The following TMEFF2 variants were observed in gnomAD, a reference collection of about 807,000 sequenced individuals.
TMEFF2 encodes tomoregulin-2.
TMEFF2 carries 28 observed loss-of-function variants against 53.8 expected under a neutral mutation model. That is an observed-to-expected ratio of 0.52 (90% confidence interval 0.39 to 0.71). The LOEUF is 0.71. Ranked by LOEUF, TMEFF2 falls within the 30% of genes least tolerant of loss-of-function variation. The pLI, the probability that TMEFF2 is intolerant of heterozygous loss-of-function variation, is 0.00. For synonymous variants in TMEFF2, 162 were observed against 166.3 expected (o/e 0.97, Z 0.20); for missense variants, 353 against 455.2 (o/e 0.78, Z 2.04).
intron 4 of TMEFF2, among the ~76,000 whole-genome samples, chr2:192,101,621 C>T (rs1689033114): frequency 6.6e-6 from 1 of 152,148 alleles, no homozygotes; most frequent in Non-Finnish European, 1.5e-5. Flanking sequence ...AAGTGAGAAA[C>T]ACAGCTGGCA....
chr2:192,157,961 G>C (rs1483837990), intron 4 of TMEFF2, among the ~76,000 whole-genome samples: 1 of 151,814 alleles, frequency 6.6e-6, no homozygotes, highest in Non-Finnish European at 1.5e-5. Context: ...CCTTTTCCTT[G>C]TTCGTTTGCC....
rs1574395156 is a variant in TMEFF2 at position 192,125,642 on chromosome 2, C to A, written c.439+54026G>T. Among the ~76,000 whole-genome samples the A allele has an allele frequency of 3.9e-5, 6 of 152,222 alleles. No homozygotes were observed. In the South Asian group the frequency reaches 1.0e-3, roughly 26 times the overall value. On this transcript the variant is annotated intron_variant, in intron 4 of 9. Coordinates refer to ENST00000272771, the MANE Select transcript of TMEFF2 (RefSeq NM_016192.4). ...AATCCAAATGCCCATCAATGATAGA[C>A]TGGATAAAGAAAATGTGGTACATAA...
chr2:192,109,444 T>G (rs562709456), intron 4 of TMEFF2, among the ~76,000 whole-genome samples: 1 of 152,240 alleles, frequency 6.6e-6, no homozygotes, highest in East Asian at 1.9e-4. Context: ...TGATCCTCAT[T>G]GCATTTATTT....
At position 192,075,323 on chromosome 2, in the gene TMEFF2, A is replaced by G. The variant is rs6147095; in HGVS notation, c.440-17548T>C. 7.6e-3 allele frequency among the ~76,000 whole-genome samples: 715 copies of G among 93,640 alleles called. 37 individuals are homozygous for G. The highest frequency in any genetic ancestry group is 0.026 in the African/African-American group (689 of 26,202). The allele number at this position is 93,640 out of a possible 152,430, so 61.4% of individuals were successfully genotyped here. ...TATATATATATATATATATATATAT[A>G]TATATATATACATACATACTATGTA... On this transcript the variant is annotated intron_variant, in intron 4 of 9. Transcript: ENST00000272771.
intron 5 of TMEFF2, among the ~76,000 whole-genome samples, chr2:192,026,821 C>CAAAG (rs1460380002): frequency 6.6e-6 from 1 of 152,182 alleles, no homozygotes; most frequent in African/African-American, 2.4e-5. Flanking sequence ...CTTAGATCTA[C>CAAAG]AAAGACTTCT....
chr2:192,071,167 G>A lies in TMEFF2; in HGVS notation c.440-13392C>T, dbSNP rs569256216. ...ACTGACAAGATTTACTGATGTACTGGGGACAGGTGTAATGTCAATGTTTAA... is the reference window on the plus strand; with the variant it reads ...ACTGACAAGATTTACTGATGTACTGAGGACAGGTGTAATGTCAATGTTTAA... On this transcript the variant is annotated intron_variant, in intron 4 of 9. Coordinates refer to ENST00000272771, the MANE Select transcript of TMEFF2 (RefSeq NM_016192.4). 5.3e-5 allele frequency among the ~76,000 whole-genome samples: 8 copies of A among 151,952 alleles called. No homozygotes were observed. In the East Asian group the frequency reaches 1.2e-3, roughly 22 times the overall value.
At position 192,099,895 on chromosome 2, in the gene TMEFF2, T is replaced by G. The variant is rs930450206; in HGVS notation, c.440-42120A>C. Among the ~76,000 whole-genome samples the G allele has an allele frequency of 5.9e-5, 9 of 152,112 alleles. No homozygotes were observed. The East Asian group carries it at 1.7e-3, about 29-fold the overall frequency. ...AAAAAATATAGACAGCTTTTGGTTT[T>G]TCAAACTGTTTTTATATGTATTACT... On this transcript the variant is annotated intron_variant, in intron 4 of 9. Transcript: ENST00000272771.
At chr2:191,957,834 G>A (rs1224229616) in intron 7 of TMEFF2, among the ~76,000 whole-genome samples, 1 of 152,168 alleles carries the variant, frequency 6.6e-6, no homozygotes, top group Non-Finnish European at 1.5e-5. Flanking sequence ...GATGGTTGGT[G>A]ATTTTTTTGT....
chr2:192,130,418 C>A (rs1014915629), intron 4 of TMEFF2, among the ~76,000 whole-genome samples: 2 of 152,156 alleles, frequency 1.3e-5, no homozygotes, highest in Non-Finnish European at 2.9e-5. Flanking sequence ...CAAGCCATCG[C>A]ATCCCCTGTG....
intron 4 of TMEFF2, among the ~76,000 whole-genome samples, chr2:192,139,392 C>T (rs1368481231): frequency 6.6e-6 from 1 of 152,090 alleles, no homozygotes; most frequent in Non-Finnish European, 1.5e-5. Context: ...AAGGACAGCA[C>T]CATCAAGAGG....
chr2:192,137,716 C>T (rs1249898699), intron 4 of TMEFF2, among the ~76,000 whole-genome samples: 2 of 151,188 alleles, frequency 1.3e-5, no homozygotes, highest in Non-Finnish European at 2.9e-5. Flanking sequence ...TACCTATACA[C>T]TGAGCCTGAG....
At chr2:191,963,730 C>T (rs372376603) in intron 7 of TMEFF2, among the ~76,000 whole-genome samples, 1 of 152,122 alleles carries the variant, frequency 6.6e-6, no homozygotes, top group East Asian at 1.9e-4. Context: ...GTTGTGTATC[C>T]ATACGCTAAA....
chr2:192,107,734 G>T (rs1040151546), intron 4 of TMEFF2, among the ~76,000 whole-genome samples: 1 of 151,634 alleles, frequency 6.6e-6, no homozygotes, highest in Non-Finnish European at 1.5e-5. Flanking sequence ...TAATTCAAGT[G>T]TTTTCTCCAC....
chr2:192,126,053 T>C (rs1689669526), intron 4 of TMEFF2, among the ~76,000 whole-genome samples: 1 of 152,190 alleles, frequency 6.6e-6, no homozygotes, highest in East Asian at 1.9e-4. Context: ...CAAAAGTTTG[T>C]TTTTTGAAAA....
At chr2:191,979,481 T>G (rs1685805489) in intron 7 of TMEFF2, among the ~76,000 whole-genome samples, 1 of 152,222 alleles carries the variant, frequency 6.6e-6, no homozygotes, top group African/African-American at 2.4e-5. Context: ...TTCTATATCT[T>G]GAGTCACTGC....
At chr2:192,040,368 T>C (rs4241288) in intron 5 of TMEFF2, among the ~76,000 whole-genome samples, 16,735 of 152,168 alleles carry the variant, frequency 0.11, 1,101 homozygotes, top group East Asian at 0.32. Flanking sequence ...CTTATTTAAG[T>C]ATCTTCATTA....
At chr2:192,149,382 A>G (rs1690330309) in intron 4 of TMEFF2, among the ~76,000 whole-genome samples, 1 of 151,976 alleles carries the variant, frequency 6.6e-6, no homozygotes, top group Non-Finnish European at 1.5e-5. Flanking sequence ...AATGAGAGAG[A>G]CAAGCATAGT....
intron 2 of TMEFF2, among the ~76,000 whole-genome samples, chr2:192,185,674 T>G (rs73984912): frequency 0.084 from 12,713 of 152,074 alleles, 601 homozygotes; most frequent in South Asian, 0.1. Flanking sequence ...CCTCTCAACA[T>G]GTTGATAATC....
intron 5 of TMEFF2, among the ~76,000 whole-genome samples, chr2:192,046,661 G>A (rs10180253): frequency 0.12 from 18,981 of 152,080 alleles, 1,338 homozygotes; most frequent in East Asian, 0.31. Flanking sequence ...ATATTGATCA[G>A]TGCAGGGCTT....
Sources: allele counts gnomAD v4.1 joint callset (sites outside exome capture counted in the v4.1 genomes callset), GRCh38; gene constraint gnomAD v4.1.1; transcripts MANE v1.5; gene names NCBI Gene and HGNC (gene_info 2026-07-23, HGNC 2026-07-21).